Variants in PTPRJ observed in about 807,000 individuals in gnomAD.
PTPRJ encodes protein tyrosine phosphatase receptor type J.
PTPRJ carries 129 observed loss-of-function variants against 141.3 expected under a neutral mutation model. The ratio of observed to expected loss-of-function variants is 0.91; its 90% CI spans 0.79 to 1.06. PTPRJ has a LOEUF of 1.06. Among genes scored for constraint, PTPRJ ranks in the 50% least tolerant of loss-of-function variants. PTPRJ has a pLI of 0.00. For missense variants in PTPRJ, 1,601 were observed against 1,679.7 expected (o/e 0.95, Z 0.82); for synonymous variants, 610 against 640.5 (o/e 0.95, Z 0.72).
At chr11:47,983,817 A>T (rs75234832) in intron 1 of PTPRJ, among the ~76,000 whole-genome samples, 1 of 152,050 alleles carries the variant, frequency 6.6e-6, no homozygotes, top group Non-Finnish European at 1.5e-5. Context: ...GAAAAAAAAA[A>T]GCTGGTGACT....
chr11:48,073,275 C>G (rs1444139771), intron 1 of PTPRJ, among the ~76,000 whole-genome samples: 3 of 152,204 alleles, frequency 2.0e-5, no homozygotes, highest in Non-Finnish European at 4.4e-5. Context: ...CTGGCAGTCT[C>G]TATTCTAAAA....
chr11:48,113,538 A>G (rs575309155), intron 3 of PTPRJ, among the ~76,000 whole-genome samples: 33 of 152,316 alleles, frequency 2.2e-4, no homozygotes, highest in African/African-American at 7.9e-4. Context: ...TGTGGCTTGT[A>G]AAGCCTGAAA....
In PTPRJ at chr11:48,107,506, A is replaced by G. The variant is rs539706092; in HGVS notation, c.97-2552A>G. On this transcript the variant is annotated intron_variant, in intron 1 of 24. Transcript: ENST00000418331. The stretch of plus-strand genomic sequence containing the variant: ...GTATATAGGGAAGTCTTTGGCCAGA[A>G]CTGTGGGCCGTACTGCATTCTTCCC... Among the ~76,000 whole-genome samples, 6 of 152,200 alleles carry G rather than the reference A, an allele frequency of 3.9e-5. No homozygotes were observed. The South Asian group carries it at 1.2e-3, about 32-fold the overall frequency.
intron 1 of PTPRJ, among the ~76,000 whole-genome samples, chr11:48,087,008 A>C (rs117537873): frequency 0.036 from 5,449 of 152,296 alleles, 132 homozygotes; most frequent in South Asian, 0.061. Flanking sequence ...AATAGTAATA[A>C]TAATAATAAT....
At chr11:47,981,112 GCGGGGGTCCGGATC>G in intron 1 of PTPRJ, 104 bp downstream of exon 1, 1 of 1,108,534 alleles carries the variant, frequency 9.0e-7, no homozygotes, top group Non-Finnish European at 1.1e-6. Flanking sequence ...GGGGAAGGGG[GCGGGGGTCCGGATC>G]CCCGGATCCC....
At chr11:48,045,386 C>T (rs892654437) in intron 1 of PTPRJ, among the ~76,000 whole-genome samples, 2 of 152,048 alleles carry the variant, frequency 1.3e-5, no homozygotes, top group African/African-American at 4.8e-5. Context: ...ATGAGTGGGC[C>T]CTGAGAGTGA....
intron 1 of PTPRJ, among the ~76,000 whole-genome samples, chr11:48,032,946 A>G (rs775630674): frequency 4.0e-5 from 6 of 151,308 alleles, no homozygotes; most frequent in Non-Finnish European, 7.4e-5. Flanking sequence ...GGCTGGGTGC[A>G]GTGGCTCACG....
rs778399706 is a variant in PTPRJ, at chr11:48,139,666, C to G, written c.2333C>G (p.Thr778Arg). The change falls in exon 11 of 25, where the codon ACG becomes AGG. Residue 778 changes from threonine to arginine, a missense_variant. Thr to Arg is a moderately conservative substitution (Grantham distance 71). Transcript: ENST00000418331. ...CSSENGTEYR[T>R]EVTYLNFSTS... Reference sequence around the variant, plus strand: ...TCTGAGAATGGCACTGAGTATAGAACGGAAGTCACGTATTTGAATTTTTCT... The same window carrying G: ...TCTGAGAATGGCACTGAGTATAGAAGGGAAGTCACGTATTTGAATTTTTCT... The G allele has an allele frequency of 6.2e-7, 1 of 1,614,188 alleles. No individual in the cohort carries two copies.
chr11:47,985,214 C>T (rs1297492709), intron 1 of PTPRJ, among the ~76,000 whole-genome samples: 2 of 151,990 alleles, frequency 1.3e-5, no homozygotes, highest in Non-Finnish European at 2.9e-5. Context: ...GTGGTACAAA[C>T]GTAATTCACT....
chr11:47,980,563 C>T lies in PTPRJ; in HGVS notation c.-350C>T. On this transcript the variant is annotated 5_prime_UTR_variant, in exon 1 of 25. Transcript: ENST00000418331. The stretch of plus-strand genomic sequence containing the variant: ...CTCGCCGCGGCTCCCTGCAGCAGCC[C>T]CAGCCGCATGACGCGCGGAGGAGGC... The T allele has an allele frequency of 1.0e-6, 1 of 982,776 alleles. No individual in the cohort carries two copies. The highest frequency in any genetic ancestry group is 1.2e-6 in the Non-Finnish European group (1 of 828,934). The allele number at this position is 982,776 out of a possible 1,614,324, so 60.9% of individuals were successfully genotyped here.
At chr11:48,053,362 AAATAT>A (rs903595352) in intron 1 of PTPRJ, among the ~76,000 whole-genome samples, 2 of 99,316 alleles carry the variant, frequency 2.0e-5, no homozygotes, top group Admixed American at 1.7e-4. Context: ...AAATATATAA[AAATAT>A]AATATATATA....
chr11:48,038,255 G>A (rs551479201), intron 1 of PTPRJ, among the ~76,000 whole-genome samples: 1 of 152,192 alleles, frequency 6.6e-6, no homozygotes, highest in Non-Finnish European at 1.5e-5. Context: ...AAGTGTTCAT[G>A]GCGTAACTTA....
At chr11:48,044,164 A>T (rs2134239170) in intron 1 of PTPRJ, among the ~76,000 whole-genome samples, 1 of 152,386 alleles carries the variant, frequency 6.6e-6, no homozygotes. Flanking sequence ...TGGCCCGCAC[A>T]GCCTTCTCTG....
chr11:48,116,027 C>A (rs1334198165), intron 3 of PTPRJ, among the ~76,000 whole-genome samples: 1 of 152,040 alleles, frequency 6.6e-6, no homozygotes, highest in Non-Finnish European at 1.5e-5. Context: ...AACAAAGAGT[C>A]TATAAAACAA....
At chr11:48,134,815 C>T (rs1310052585) in intron 8 of PTPRJ, among the ~76,000 whole-genome samples, 3 of 152,132 alleles carry the variant, frequency 2.0e-5, no homozygotes, top group African/African-American at 7.2e-5. Context: ...GGAGGATGGG[C>T]TCCTGTGGGA....
intron 1 of PTPRJ, among the ~76,000 whole-genome samples, chr11:48,075,946 C>A (rs1442473408): frequency 1.3e-5 from 2 of 152,182 alleles, no homozygotes; most frequent in African/African-American, 4.8e-5. Context: ...ATGGAGTGTT[C>A]TTCCTTCCCA....
intron 1 of PTPRJ, among the ~76,000 whole-genome samples, chr11:48,055,858 C>T (rs764267589): frequency 2.4e-4 from 36 of 152,228 alleles, no homozygotes; most frequent in African/African-American, 5.5e-4. Flanking sequence ...GTGCTGAAAA[C>T]GCGATGCATT....
intron 3 of PTPRJ, among the ~76,000 whole-genome samples, chr11:48,119,695 T>C (rs2083336225): frequency 6.6e-6 from 1 of 152,216 alleles, no homozygotes; most frequent in African/African-American, 2.4e-5. Flanking sequence ...TGAGCCAGTG[T>C]GCCTGGCTTC....
chr11:48,096,146 C>T (rs1435258756), intron 1 of PTPRJ, among the ~76,000 whole-genome samples: 3 of 152,172 alleles, frequency 2.0e-5, no homozygotes, highest in South Asian at 4.1e-4. Context: ...CCCATTGTGC[C>T]TTTTAAGTGT....
Sources: allele counts gnomAD v4.1 joint callset (sites outside exome capture counted in the v4.1 genomes callset), GRCh38; gene constraint gnomAD v4.1.1; transcripts MANE v1.5; gene names NCBI Gene and HGNC (gene_info 2026-07-23, HGNC 2026-07-21).